The following RAD9B variants were observed in gnomAD, a reference collection of about 807,000 sequenced individuals.
The protein encoded by RAD9B is cell cycle checkpoint control protein RAD9B.
Under a neutral mutation model 48.3 loss-of-function variants are expected in RAD9B, and 41 were observed. That is an observed-to-expected ratio of 0.85 (90% CI 0.66 to 1.10). The LOEUF is 1.10. Among genes scored for constraint, RAD9B ranks in the 50% least tolerant of loss-of-function variants. The pLI, the probability that RAD9B is intolerant of heterozygous loss-of-function variation, is 0.00. For synonymous variants in RAD9B, 160 were observed against 157.9 expected, an observed-to-expected ratio of 1.01 and a Z score of -0.10; for missense variants, 444 against 485.1, an observed-to-expected ratio of 0.92 and a Z score of 0.80.
Position 110,515,129 on chromosome 12 carries a change from C to A in RAD9B, c.568C>A (p.Leu190Ile). 6.4e-7 allele frequency: 1 copy of A among 1,550,456 alleles called. No individual in the cohort carries two copies. The highest frequency in any genetic ancestry group is 2.4e-5 in the East Asian group (1 of 41,556). Residue 190 changes from leucine to isoleucine, a missense_variant, in exon 6 of 11, where the codon CTC becomes ATC. Leu to Ile is a conservative substitution (Grantham distance 5). Transcript: ENST00000409300. ...TLAVTPLNFC[L>I]KSSNEESMDL... ...TGCTGTTACTCCACTGAATTTTTGCCTCAAGAGTTCTAATGAGGAATCAAT... is the reference window on the plus strand; with the variant it reads ...TGCTGTTACTCCACTGAATTTTTGCATCAAGAGTTCTAATGAGGAATCAAT...
rs1019113259 is a variant in RAD9B at position 110,518,288 on chromosome 12, A to G, written c.596-388A>G. On this transcript the variant is annotated intron_variant, in intron 6 of 10. Coordinates refer to ENST00000409300, the MANE Select transcript of RAD9B (RefSeq NM_001286535.2). ...CTGAGGCAGAGGATCACTTGAGCCC[A>G]GGAGGTCAAGGCTGCAGTGAGCTGT... Among the ~76,000 whole-genome samples the G allele has an allele frequency of 8.6e-5, 13 of 151,456 alleles. 1 individual carries two copies. The highest frequency in any genetic ancestry group is 7.2e-4 in the Admixed American group (11 of 15,194).
intron 4 of RAD9B, among the ~76,000 whole-genome samples, chr12:110,509,429 C>A (rs189367201): frequency 6.6e-6 from 1 of 151,852 alleles, no homozygotes; most frequent in African/African-American, 2.4e-5. Context: ...TTTTTTCACA[C>A]CTGGCTAATT....
intron 6 of RAD9B, among the ~76,000 whole-genome samples, chr12:110,515,564 G>A (rs2063581057): frequency 6.6e-6 from 1 of 152,234 alleles, no homozygotes; most frequent in Admixed American, 6.5e-5. Flanking sequence ...AGGAGGCTGA[G>A]GCAGGAGAAT....
intron 4 of RAD9B, among the ~76,000 whole-genome samples, 163 bp from the exon 5 acceptor site, chr12:110,512,616 A>G (rs184940738): frequency 6.6e-6 from 1 of 152,350 alleles, no homozygotes; most frequent in African/African-American, 2.4e-5. Context: ...CTAGGGAGCG[A>G]TAAACACATT....
intron 4 of RAD9B, among the ~76,000 whole-genome samples, chr12:110,509,313 C>T (rs1437844863): frequency 6.6e-6 from 1 of 151,630 alleles, no homozygotes; most frequent in Admixed American, 6.6e-5. Flanking sequence ...ACCATGTTGC[C>T]CAGGCTGGTC....
In RAD9B at chr12:110,503,871, AAAG is replaced by A. The variant is rs754279115; in HGVS notation, c.113_115del (p.Lys38_Gly39delinsSer). The A allele has an allele frequency of 2.3e-5, 36 of 1,562,370 alleles. No homozygotes were observed. The highest frequency in any genetic ancestry group is 6.9e-6 in the Non-Finnish European group (8 of 1,157,598). ...CGAGTTCTGGCTAGACCCATCTAAA[AAAG>A]GTGTAAGTAAGAAAGTTAACAGATC... On this transcript the variant is annotated inframe_deletion and splice_region_variant, in exon 2 of 11. Transcript: ENST00000409300.
At chr12:110,518,848 GT>G (rs2063688909) in intron 7 of RAD9B, 25 bp from the exon 8 acceptor site, 1 of 1,580,536 alleles carries the variant, frequency 6.3e-7, no homozygotes, top group Non-Finnish European at 8.6e-7. Flanking sequence ...AGGATTTTAA[GT>G]TTTTTTCTTC....
chr12:110,512,513 C>G (rs144062181), intron 4 of RAD9B, among the ~76,000 whole-genome samples: 1,579 of 152,174 alleles, frequency 0.01, 4 homozygotes, highest in African/African-American at 0.014. Flanking sequence ...AAAAGAAGAA[C>G]AAGAAGAAGA....
chr12:110,505,768 T>C lies in RAD9B; in HGVS notation c.269T>C (p.Met90Thr). The C allele has an allele frequency of 6.2e-7, 1 of 1,611,966 alleles. No homozygotes were observed. The highest frequency in any genetic ancestry group is 8.5e-7 in the Non-Finnish European group (1 of 1,178,922). The change falls in exon 3 of 11, where the codon ATG (methionine) becomes ACG (threonine). Residue 90 changes from methionine (M) to threonine (T), a missense_variant. Met to Thr is a moderately conservative substitution (Grantham distance 81). Transcript: ENST00000409300. ...CTGCATTTAAAATGCAAATTGGGAA[T>C]GAAGGTAAATATAAGTGGCCCTGGT... ...TTLHLKCKLG[M>T]KSILPIFRCL...
intron 8 of RAD9B, 30 bp downstream of exon 8, chr12:110,518,968 T>C: frequency 7.1e-7 from 1 of 1,411,944 alleles, no homozygotes; most frequent in Non-Finnish European, 9.6e-7. Context: ...TCTGAGCTTG[T>C]TTCTTTTGTT....
rs768224302 is a variant in RAD9B, at chr12:110,512,861, G to C, written c.471G>C (p.Thr157=). The change falls in exon 5 of 11, where the codon ACG becomes ACC. Residue 157 remains threonine (T), a synonymous_variant. Transcript: ENST00000409300. ...TTGACAAGAATGTTTGTACTAATAC[G>C]CTAATGATTCAACCAAGGTAATGAG... The part of the protein sequence containing the change: ...VIFDKNVCTN[T]LMIQPRLLAD... 5 of 1,537,332 alleles carry C rather than the reference G, an allele frequency of 3.3e-6. No homozygotes were observed. In the South Asian group the frequency reaches 4.6e-5, roughly 14 times the overall value.
chr12:110,509,028 G>C (rs1352749154), intron 4 of RAD9B, among the ~76,000 whole-genome samples: 1 of 151,972 alleles, frequency 6.6e-6, no homozygotes, highest in Non-Finnish European at 1.5e-5. Context: ...GCAGTGGTGC[G>C]ATCTCAGCTC....
At position 110,505,797 on chromosome 12, in the gene RAD9B, C is replaced by G. The variant is rs759163562; in HGVS notation, c.273+25C>G. ...GGTAAATATAAGTGGCCCTGGTTTT[C>G]TCTTATTCTGTAGAAATATTCATTA... On this transcript the variant is annotated intron_variant, in intron 3 of 10. Coordinates refer to ENST00000409300, the MANE Select transcript of RAD9B (RefSeq NM_001286535.2). 8.8e-6 allele frequency: 14 copies of G among 1,594,674 alleles called. 1 individual carries two copies. In the South Asian group the frequency reaches 1.5e-4, roughly 17 times the overall value.
At chr12:110,514,027 CCCTT>C (rs56718609) in intron 5 of RAD9B, among the ~76,000 whole-genome samples, 24,331 of 150,554 alleles carry the variant, frequency 0.16, 2,338 homozygotes, top group African/African-American at 0.28. Flanking sequence ...CACATCTGGT[CCCTT>C]CCTTCCTTCC....
chr12:110,507,285 G>A (rs575164858), intron 4 of RAD9B, among the ~76,000 whole-genome samples: 1 of 148,372 alleles, frequency 6.7e-6, no homozygotes, highest in Admixed American at 6.8e-5. Context: ...TCAAATATCC[G>A]TATGAATTCA....
intron 4 of RAD9B, among the ~76,000 whole-genome samples, chr12:110,509,156 G>T (rs2063384112): frequency 6.6e-6 from 1 of 151,700 alleles, no homozygotes; most frequent in Non-Finnish European, 1.5e-5. Context: ...TTTTAGTAGA[G>T]ACGGGGTTTC....
chr12:110,513,739 T>TTA (rs1264634180), intron 5 of RAD9B, among the ~76,000 whole-genome samples: 5 of 142,882 alleles, frequency 3.5e-5, no homozygotes, highest in African/African-American at 1.3e-4. Context: ...TATTATTATT[T>TTA]TTGAGACAGA....
chr12:110,526,872 G>A (rs1261397647), intron 10 of RAD9B, among the ~76,000 whole-genome samples: 8 of 146,984 alleles, frequency 5.4e-5, no homozygotes, highest in South Asian at 2.1e-4. Flanking sequence ...TCATGCCACC[G>A]CACTCCAGCC....
At chr12:110,503,752 G>C in intron 1 of RAD9B, 54 bp from the exon 2 acceptor site, 1 of 1,309,922 alleles carries the variant, frequency 7.6e-7, no homozygotes, top group South Asian at 1.2e-5. Context: ...CTTGTGATTT[G>C]TTTTTATTGT....
Sources: allele counts gnomAD v4.1 joint callset (sites outside exome capture counted in the v4.1 genomes callset), GRCh38; gene constraint gnomAD v4.1.1; transcripts MANE v1.5; gene names NCBI Gene and HGNC (gene_info 2026-07-23, HGNC 2026-07-21).